Variants in DPYSL2 observed in about 807,000 individuals in gnomAD.
DPYSL2 encodes dihydropyrimidinase like 2.
In DPYSL2, 13 loss-of-function variants were observed where a neutral mutation model predicts 69.9. The ratio of observed to expected loss-of-function variants is 0.19; its 90% confidence interval spans 0.12 to 0.30. DPYSL2 has a LOEUF of 0.30. Among genes scored for constraint, DPYSL2 ranks in the 10% least tolerant of loss-of-function variants. The pLI is 1.00. For missense variants in DPYSL2, 587 were observed against 918.9 expected (o/e 0.64, Z 4.67); for synonymous variants, 326 against 359.1 (o/e 0.91, Z 1.04).
At position 26,644,215 on chromosome 8, in the gene DPYSL2, C is replaced by A; in HGVS notation, c.1425+124C>A. 8.7e-7 allele frequency: 1 copy of A among 1,150,004 alleles called. No homozygotes were observed. The highest frequency in any genetic ancestry group is 1.2e-6 in the Non-Finnish European group (1 of 844,204). 71.2% of individuals were successfully genotyped at this position (1,150,004 alleles called of 1,614,324 possible). A position where few individuals can be genotyped will look rare whatever the true frequency, so the allele number is the denominator to read the frequency against. ...GTGGAGGACATCCTAGAAGCCAGTA[C>A]TTATATGACAATATTTCTGAGGGTT... On this transcript the variant is annotated intron_variant, in intron 10 of 13. Coordinates refer to ENST00000521913, the MANE Select transcript of DPYSL2 (RefSeq NM_001197293.3). This position sits in a 1 kb window ranked among gnomAD's most constrained non-coding sequence, Gnocchi z 4.5.
chr8:26,597,695 C>T lies in DPYSL2; in HGVS notation c.628+13712C>T, dbSNP rs889911127. Reference sequence around the variant, plus strand: ...TTCACTGTTTTAGCCAGGATGGTCTCGATCTCCTGACCTTGTGATCCACCC... The same window carrying T: ...TTCACTGTTTTAGCCAGGATGGTCTTGATCTCCTGACCTTGTGATCCACCC... On this transcript the variant is annotated intron_variant, in intron 3 of 13. Transcript: ENST00000521913. The surrounding 1 kb of genome is among the most constrained non-coding windows in gnomAD (Gnocchi z 5.2). 2.6e-5 allele frequency among the ~76,000 whole-genome samples: 4 copies of T among 151,528 alleles called. No individual in the cohort carries two copies. The highest frequency in any genetic ancestry group is 4.4e-5 in the Non-Finnish European group (3 of 67,958).
Position 26,626,636 on chromosome 8 carries a change from GTA to G in DPYSL2, c.814_815del (p.Tyr272HisfsTer16). 1 of 1,614,154 alleles carries G rather than the reference GTA, an allele frequency of 6.2e-7. No homozygotes were observed. The highest frequency in any genetic ancestry group is 8.5e-7 in the Non-Finnish European group (1 of 1,180,038). On this transcript the variant is annotated frameshift_variant, in exon 5 of 14. Coordinates refer to ENST00000521913, the MANE Select transcript of DPYSL2 (RefSeq NM_001197293.3). LOFTEE classifies it high-confidence loss of function. The surrounding 1 kb of genome is among the most constrained non-coding windows in gnomAD (Gnocchi z 4.3). ...KDHGVNSFLV[Y>X]MAFKDRFQLT... is the part of the protein sequence containing the mutation. Reference sequence around the variant, plus strand: ...CACTAGGGGTAAATTCCTTCCTCGTGTACATGGCTTTCAAAGATCGCTTCCAG... The same window carrying G: ...CACTAGGGGTAAATTCCTTCCTCGTGCATGGCTTTCAAAGATCGCTTCCAG...
At chr8:26,559,643 C>T (rs1801042844) in intron 1 of DPYSL2, among the ~76,000 whole-genome samples, 1 of 152,092 alleles carries the variant, frequency 6.6e-6, no homozygotes, top group Non-Finnish European at 1.5e-5. Context: ...TTGGAATGTT[C>T]ATCTTTATGA....
Position 26,564,514 on chromosome 8 carries a change from G to A in DPYSL2, c.355-17455G>A, listed in dbSNP as rs1324279372. Among the ~76,000 whole-genome samples the A allele has an allele frequency of 6.6e-6, 1 of 152,136 alleles. No homozygotes were observed. Among genetic ancestry groups the A allele is most frequent in the Non-Finnish European group, 1.5e-5 (1 of 68,024 alleles). On this transcript the variant is annotated intron_variant, in intron 1 of 13. Transcript: ENST00000521913. The surrounding 1 kb of genome is among the most constrained non-coding windows in gnomAD (Gnocchi z 4.8). ...GCTGACGTCTTCCTGTGAGACCTAG[G>A]GAAGGAGAAAAGAGGGGTGTGTGTG...
rs544662441 is a variant in DPYSL2 at position 26,621,112 on chromosome 8, T to C, written c.629-3031T>C. The stretch of plus-strand genomic sequence containing the variant: ...TTTTATGTATCTCTATAAACCACTT[T>C]AAAACTTTTTGGGGGAAGAAAGTGG... On this transcript the variant is annotated intron_variant, in intron 3 of 13. Coordinates refer to ENST00000521913, the MANE Select transcript of DPYSL2 (RefSeq NM_001197293.3). The surrounding 1 kb of genome is among the most constrained non-coding windows in gnomAD (Gnocchi z 4.9). Among the ~76,000 whole-genome samples the C allele has an allele frequency of 6.6e-6, 1 of 152,330 alleles. No homozygotes were observed. The highest frequency in any genetic ancestry group is 6.5e-5 in the Admixed American group (1 of 15,300).
chr8:26,646,514 T>C (rs137899317), intron 10 of DPYSL2, among the ~76,000 whole-genome samples: 56 of 152,328 alleles, frequency 3.7e-4, no homozygotes, highest in African/African-American at 1.3e-3. Flanking sequence ...CTGATTAGAG[T>C]GAAAATTTTT....
chr8:26,631,754 C>G (rs2039644297), intron 7 of DPYSL2, among the ~76,000 whole-genome samples: 1 of 151,826 alleles, frequency 6.6e-6, no homozygotes. Flanking sequence ...TATGACAGCC[C>G]AGTGAGGCGA....
Position 26,626,187 on chromosome 8 carries a change from A to G in DPYSL2, c.794-430A>G, listed in dbSNP as rs187467089. ...GGTGTCTTTCCTTTTTAAAGGCTGAATAATATTCCATTGTATGGATAGACC... is the reference window on the plus strand; with the variant it reads ...GGTGTCTTTCCTTTTTAAAGGCTGAGTAATATTCCATTGTATGGATAGACC... On this transcript the variant is annotated intron_variant, in intron 4 of 13. Coordinates refer to ENST00000521913, the MANE Select transcript of DPYSL2 (RefSeq NM_001197293.3). This position sits in a 1 kb window ranked among gnomAD's most constrained non-coding sequence, Gnocchi z 4.3. Among the ~76,000 whole-genome samples, 312 of 152,316 alleles carry G rather than the reference A, an allele frequency of 2.0e-3. No individual in the cohort carries two copies. Among genetic ancestry groups the G allele is most frequent in the Non-Finnish European group, 3.4e-3 (229 of 68,036 alleles).
chr8:26,564,862 C>T lies in DPYSL2; in HGVS notation c.355-17107C>T, dbSNP rs762149158. Among the ~76,000 whole-genome samples, 12 of 152,204 alleles carry T rather than the reference C, an allele frequency of 7.9e-5. No individual in the cohort carries two copies. The highest frequency in any genetic ancestry group is 6.2e-4 in the South Asian group (3 of 4,824). The stretch of plus-strand genomic sequence containing the variant: ...GTGAAGTCTGAGATTTTAGTGCACC[C>T]ATCACCCAAGGAGTGTACATTGTAC... On this transcript the variant is annotated intron_variant, in intron 1 of 13. Coordinates refer to ENST00000521913, the MANE Select transcript of DPYSL2 (RefSeq NM_001197293.3). This position sits in a 1 kb window ranked among gnomAD's most constrained non-coding sequence, Gnocchi z 4.8.
Position 26,624,192 on chromosome 8 carries a change from C to T in DPYSL2, c.678C>T (p.Asp226=). The change falls in exon 4 of 14, where the codon GAC becomes GAT. Residue 226 remains aspartate, a synonymous_variant. Transcript: ENST00000521913. The surrounding 1 kb of genome is among the most constrained non-coding windows in gnomAD (Gnocchi z 4.7). Reference sequence around the variant, plus strand: ...GGACAAGCCTGCTCGCTGCCTTTGACCAGTGGAGGGAATGGGCCGACAGCA... The same window carrying T: ...GGACAAGCCTGCTCGCTGCCTTTGATCAGTGGAGGGAATGGGCCGACAGCA... ...EPGTSLLAAF[D]QWREWADSKS... 6.2e-7 allele frequency: 1 copy of T among 1,614,180 alleles called. No homozygotes were observed. Among genetic ancestry groups the T allele is most frequent in the East Asian group, 2.2e-5 (1 of 44,882 alleles).
chr8:26,577,145 T>G (rs1284755211), intron 1 of DPYSL2: 1 of 447,616 alleles, frequency 2.2e-6, no homozygotes, highest in Non-Finnish European at 4.5e-6. Flanking sequence ...TTGGAAGGGT[T>G]TCCTCAGGGC....
rs1290463421 is a variant in DPYSL2, at chr8:26,571,384, A to T, written c.355-10585A>T. On this transcript the variant is annotated intron_variant, in intron 1 of 13. Transcript: ENST00000521913. This position sits in a 1 kb window ranked among gnomAD's most constrained non-coding sequence, Gnocchi z 6.1. ...TGCCCTGGCTTGGAGACCAGCACGC[A>T]GGGGACCACGTGCACACTCTTTGTT... 6.6e-6 allele frequency among the ~76,000 whole-genome samples: 1 copy of T among 152,098 alleles called. No individual in the cohort carries two copies. Among genetic ancestry groups the T allele is most frequent in the Non-Finnish European group, 1.5e-5 (1 of 68,012 alleles).
At chr8:26,595,994 G>A (rs528114485) in intron 3 of DPYSL2, among the ~76,000 whole-genome samples, 1 of 151,900 alleles carries the variant, frequency 6.6e-6, no homozygotes, top group Non-Finnish European at 1.5e-5. Flanking sequence ...TATTTATTTA[G>A]TACCTTAGCT....
chr8:26,625,896 TC>T (rs2129910024), intron 4 of DPYSL2, among the ~76,000 whole-genome samples: 1 of 152,270 alleles, frequency 6.6e-6, no homozygotes, highest in East Asian at 1.9e-4. Context: ...TAAAATACAC[TC>T]ATAATGTTGT....
At chr8:26,530,120 A>C (rs1374121931) in intron 1 of DPYSL2, among the ~76,000 whole-genome samples, 6 of 150,824 alleles carry the variant, frequency 4.0e-5, no homozygotes, top group Non-Finnish European at 7.4e-5. Context: ...CTCCAAAAAA[A>C]AAAAAAAAAA....
At position 26,658,159 on chromosome 8, in the gene DPYSL2, A is replaced by G. The variant is rs1216916082; in HGVS notation, c.*2453A>G. The G allele has an allele frequency of 6.6e-6, 1 of 152,616 alleles. No homozygotes were observed. The highest frequency in any genetic ancestry group is 1.9e-4 in the East Asian group (1 of 5,194). 9.5% of individuals were successfully genotyped at this position (152,616 alleles called of 1,614,324 possible). A position where few individuals can be genotyped will look rare whatever the true frequency, so the allele number is the denominator to read the frequency against. Reference sequence around the variant, plus strand: ...ATTACCATGGAACGCCTAATAAAGCAAAATGTGGTTGTTTCAGGGGTGTGT... The same window carrying G: ...ATTACCATGGAACGCCTAATAAAGCGAAATGTGGTTGTTTCAGGGGTGTGT... On this transcript the variant is annotated 3_prime_UTR_variant, in exon 14 of 14. Transcript: ENST00000521913. This position sits in a 1 kb window ranked among gnomAD's most constrained non-coding sequence, Gnocchi z 4.7.
chr8:26,632,565 G>C (rs181486877), intron 7 of DPYSL2, among the ~76,000 whole-genome samples: 2 of 152,150 alleles, frequency 1.3e-5, no homozygotes, highest in Admixed American at 1.3e-4. Context: ...GAAGATAGGC[G>C]TAGTGGCTTG....
At chr8:26,583,565 C>T (rs1465317528) in intron 2 of DPYSL2, among the ~76,000 whole-genome samples, 7 of 152,068 alleles carry the variant, frequency 4.6e-5, no homozygotes, top group Admixed American at 3.3e-4. Flanking sequence ...GGGAACAAAA[C>T]GTCTTTGAGT....
intron 1 of DPYSL2, among the ~76,000 whole-genome samples, chr8:26,553,400 C>G (rs1180375963): frequency 6.6e-6 from 1 of 152,108 alleles, no homozygotes; most frequent in African/African-American, 2.4e-5. Flanking sequence ...TTAAGTAGGC[C>G]ACAGTGTCTG....
Sources: allele counts gnomAD v4.1 joint callset (sites outside exome capture counted in the v4.1 genomes callset), GRCh38; gene constraint gnomAD v4.1.1; non-coding constraint Gnocchi (gnomAD v3.1); transcripts MANE v1.5; gene names NCBI Gene and HGNC (gene_info 2026-07-23, HGNC 2026-07-21).